Variants in TSGA10 observed in about 807,000 individuals in gnomAD.
TSGA10 encodes testis specific 10, also known as testis-specific gene 10 protein.
Under a neutral mutation model 96.6 loss-of-function variants are expected in TSGA10, and 43 were observed. The ratio of observed to expected loss-of-function variants is 0.44; its 90% confidence interval spans 0.35 to 0.57. TSGA10 has a LOEUF of 0.57. Among genes scored for constraint, TSGA10 ranks in the 20% least tolerant of loss-of-function variants. The pLI, the probability that TSGA10 is intolerant of heterozygous loss-of-function variation, is 0.01. For missense variants in TSGA10, 703 were observed against 834.4 expected (o/e 0.84, Z 1.94); for synonymous variants, 229 against 269.9 (o/e 0.85, Z 1.48).
chr2:99,045,825 T>C (rs936586115), intron 16 of TSGA10, among the ~76,000 whole-genome samples: 1 of 152,192 alleles, frequency 6.6e-6, no homozygotes, highest in Non-Finnish European at 1.5e-5. Context: ...GTGTGCTGTA[T>C]GCAGGAGACC....
chr2:99,129,729 A>C (rs375877441), intron 1 of TSGA10, among the ~76,000 whole-genome samples: 4 of 152,202 alleles, frequency 2.6e-5, no homozygotes, highest in Non-Finnish European at 5.9e-5. Flanking sequence ...AAGGCAAGTG[A>C]AACAATGTTC....
intron 10 of TSGA10, among the ~76,000 whole-genome samples, chr2:99,100,782 T>G (rs1280639420): frequency 1.5e-5 from 2 of 131,660 alleles, no homozygotes; most frequent in Non-Finnish European, 3.1e-5. Context: ...ATTGTGCCAC[T>G]GCACTCCAGC....
chr2:99,140,940 A>T, intron 1 of TSGA10: 2 of 466,322 alleles, frequency 4.3e-6, no homozygotes, highest in Non-Finnish European at 6.5e-6. Flanking sequence ...GCTGCCCCTC[A>T]CAGCCGCTCC....
At chr2:99,017,722 G>A (rs932282786) in intron 20 of TSGA10, among the ~76,000 whole-genome samples, 10 of 147,672 alleles carry the variant, frequency 6.8e-5, no homozygotes, top group East Asian at 4.0e-4. Context: ...CCGAGATCCC[G>A]CCACTGCACT....
intron 20 of TSGA10, among the ~76,000 whole-genome samples, chr2:99,002,634 A>G (rs2078040457): frequency 6.6e-6 from 1 of 152,208 alleles, no homozygotes; most frequent in Non-Finnish European, 1.5e-5. Flanking sequence ...CACACATAAC[A>G]ATATTAACCT....
At chr2:99,080,934 C>T (rs981899197) in intron 11 of TSGA10, among the ~76,000 whole-genome samples, 18 of 152,076 alleles carry the variant, frequency 1.2e-4, no homozygotes, top group Admixed American at 3.9e-4. Flanking sequence ...TGTACACTTT[C>T]CACCAAAAGT....
At chr2:99,105,748 CAT>C (rs781681595) in intron 7 of TSGA10, 51 bp from the exon 8 acceptor site, 1 of 1,496,224 alleles carries the variant, frequency 6.7e-7, no homozygotes, top group South Asian at 1.4e-5. Context: ...AACACATAAA[CAT>C]AAAAAATTTT....
At chr2:99,154,411 C>G (rs1471736060) in intron 1 of TSGA10, 1 of 152,428 alleles carries the variant, frequency 6.6e-6, no homozygotes, top group Non-Finnish European at 1.5e-5. Context: ...CTGATCCACT[C>G]CATCCTGTAT....
At chr2:99,027,155 G>C (rs1287056832) in intron 17 of TSGA10, among the ~76,000 whole-genome samples, 1 of 152,206 alleles carries the variant, frequency 6.6e-6, no homozygotes, top group African/African-American at 2.4e-5. Flanking sequence ...ACCAGTCTGT[G>C]GTAACAGGCT....
At chr2:99,019,786 G>C (rs972573228) in intron 18 of TSGA10, among the ~76,000 whole-genome samples, 2 of 152,164 alleles carry the variant, frequency 1.3e-5, no homozygotes, top group African/African-American at 4.8e-5. Flanking sequence ...TAAGGTGCTA[G>C]GAGTGCTAGA....
chr2:99,033,321 C>G (rs949022048), intron 17 of TSGA10, among the ~76,000 whole-genome samples: 6 of 152,212 alleles, frequency 3.9e-5, no homozygotes, highest in African/African-American at 1.2e-4. Flanking sequence ...GCAAACACGT[C>G]TTCTCTTATA....
chr2:99,102,788 A>G, intron 10 of TSGA10: 2 of 1,496,500 alleles, frequency 1.3e-6, no homozygotes, highest in African/African-American at 2.8e-5. Context: ...GGAGTTGTGT[A>G]TAGTAATATG....
chr2:99,016,981 A>T (rs2079563664), intron 20 of TSGA10, among the ~76,000 whole-genome samples: 1 of 152,180 alleles, frequency 6.6e-6, no homozygotes, highest in Non-Finnish European at 1.5e-5. Context: ...GAATGGCCAT[A>T]ATTAAAAAAT....
intron 1 of TSGA10, among the ~76,000 whole-genome samples, chr2:99,143,789 G>C (rs1460732746): frequency 6.6e-6 from 1 of 152,010 alleles, no homozygotes; most frequent in African/African-American, 2.4e-5. Flanking sequence ...GCCTTATATA[G>C]TACCCTGTGC....
At chr2:99,077,704 G>T (rs2086889230) in intron 12 of TSGA10, among the ~76,000 whole-genome samples, 1 of 151,992 alleles carries the variant, frequency 6.6e-6, no homozygotes, top group Non-Finnish European at 1.5e-5. Context: ...TGTGATTACA[G>T]GTGCCCGCCA....
At chr2:99,090,761 A>G (rs1267523706) in intron 10 of TSGA10, among the ~76,000 whole-genome samples, 1 of 152,232 alleles carries the variant, frequency 6.6e-6, no homozygotes, top group African/African-American at 2.4e-5. Context: ...AAAGCTTCCA[A>G]GAAGTTTTGG....
chr2:99,019,425 G>A (rs1281069687), intron 18 of TSGA10, among the ~76,000 whole-genome samples: 1 of 152,128 alleles, frequency 6.6e-6, no homozygotes, highest in Non-Finnish European at 1.5e-5. Flanking sequence ...CCTGTTGAAG[G>A]AATCATAATA....
At chr2:99,128,817 C>T (rs190407112) in intron 1 of TSGA10, among the ~76,000 whole-genome samples, 254 of 152,254 alleles carry the variant, frequency 1.7e-3, no homozygotes, top group Middle Eastern at 3.4e-3. Context: ...GGCATGATCA[C>T]GGCTCACTGC....
In TSGA10 at chr2:99,065,082, T is replaced by G; in HGVS notation, c.1261A>C (p.Asn421His). The G allele has an allele frequency of 1.2e-6, 2 of 1,613,678 alleles. No individual in the cohort carries two copies. Among genetic ancestry groups the G allele is most frequent in the Non-Finnish European group, 1.7e-6 (2 of 1,179,862 alleles). Residue 421 changes from asparagine to histidine, a missense_variant, in exon 16 of 21, where the codon AAT becomes CAT. Physicochemically the swap from Asn to His is moderately conservative, Grantham distance 68 (BLOSUM62 1). This residue lies in a region of TSGA10 where 585 missense variants were observed against 656.8 expected (regional missense o/e 0.89). Coordinates refer to ENST00000393483, the MANE Select transcript of TSGA10 (RefSeq NM_025244.4). ...TTTTCCCAGTTTTCAGCATCTTCATTGGCTTTTCGAAGTTGTTCCATCATT... is the reference window on the plus strand; with the variant it reads ...TTTTCCCAGTTTTCAGCATCTTCATGGGCTTTTCGAAGTTGTTCCATCATT... The part of the protein sequence containing the change: ...RQMMEQLRKA[N>H]EDAENWENKA...
Sources: allele counts gnomAD v4.1 joint callset (sites outside exome capture counted in the v4.1 genomes callset), GRCh38; gene constraint gnomAD v4.1.1; regional missense constraint gnomAD v4.1.1; transcripts MANE v1.5; gene names NCBI Gene and HGNC (gene_info 2026-07-23, HGNC 2026-07-21).